Variants in ARID4A observed in about 807,000 individuals in gnomAD.
ARID4A encodes the protein AT-rich interaction domain 4A, also known as AT-rich interactive domain-containing protein 4A.
In ARID4A, 39 loss-of-function variants were observed where a neutral mutation model predicts 148.6. That is an observed-to-expected ratio of 0.26 (90% CI 0.20 to 0.34). The LOEUF (loss-of-function observed/expected upper bound fraction) is 0.34. Among genes scored for constraint, ARID4A ranks in the 10% least tolerant of loss-of-function variants. The pLI, the probability that ARID4A is intolerant of heterozygous loss-of-function variation, is 1.00. For synonymous variants in ARID4A, 475 were observed against 481.2 expected, an observed-to-expected ratio of 0.99 and a Z score of 0.17; for missense variants, 1,265 against 1,449.1, an observed-to-expected ratio of 0.87 and a Z score of 2.06.
chr14:58,369,001 C>A (rs534390944), intron 23 of ARID4A, among the ~76,000 whole-genome samples: 8 of 151,748 alleles, frequency 5.3e-5, no homozygotes, highest in African/African-American at 1.9e-4. Flanking sequence ...TTTAAAAATT[C>A]AGAGAACAAG....
chr14:58,322,176 G>A (rs1395041814), intron 7 of ARID4A, among the ~76,000 whole-genome samples: 2 of 151,810 alleles, frequency 1.3e-5, no homozygotes, highest in African/African-American at 4.8e-5. Flanking sequence ...TGTCATACTT[G>A]CCAGGCTGGT....
chr14:58,371,967 T>C lies in ARID4A; in HGVS notation c.3752T>C (p.Val1251Ala). 1.2e-6 allele frequency: 2 copies of C among 1,609,940 alleles called. No homozygotes were observed. Among genetic ancestry groups the C allele is most frequent in the Non-Finnish European group, 1.7e-6 (2 of 1,176,254 alleles). ...SPSSSSPPQN[V>A]LAVECR ...TCATCATCATCTCCCCCACAAAATG[T>C]ACTTGCTGTAGAATGCAGGTGATAA... Residue 1251 changes from valine (V) to alanine (A), a missense_variant, in exon 24 of 24, where the codon GTA (valine) becomes GCA (alanine). Val to Ala is a moderately conservative substitution (Grantham distance 64). Coordinates refer to ENST00000355431, the MANE Select transcript of ARID4A (RefSeq NM_002892.4).
At chr14:58,329,941 C>T in intron 10 of ARID4A, 62 bp from the exon 11 acceptor site, 1 of 1,531,696 alleles carries the variant, frequency 6.5e-7, no homozygotes, top group Admixed American at 2.4e-5. Flanking sequence ...AATGCCATGC[C>T]TTTTCTATTG....
intron 8 of ARID4A, among the ~76,000 whole-genome samples, chr14:58,326,020 T>A (rs1030845591): frequency 2.6e-5 from 4 of 152,178 alleles, no homozygotes; most frequent in African/African-American, 9.6e-5. Flanking sequence ...ATATGTTCAA[T>A]ATTAGGACTC....
rs1361156415 is a variant in ARID4A, at chr14:58,365,281, G to C, written c.3192G>C (p.Glu1064Asp). ...GTACCTGTAGTATAATTGTACAAGA[G>C]AGAGAGAGCAGAGAGAAGGGTAAGG... ...ASGTCSIIVQ[E>D]RESREKGQKR... The change falls in exon 20 of 24, where the codon GAG (glutamate) becomes GAC (aspartate). Residue 1064 changes from glutamate (E) to aspartate (D), a missense_variant. Transcript: ENST00000355431. 2 of 1,612,746 alleles carry C rather than the reference G, an allele frequency of 1.2e-6. No homozygotes were observed. The highest frequency in any genetic ancestry group is 2.2e-5 in the East Asian group (1 of 44,876).
At chr14:58,310,316 A>G (rs911916519) in intron 5 of ARID4A, among the ~76,000 whole-genome samples, 8 of 152,312 alleles carry the variant, frequency 5.3e-5, no homozygotes, top group Middle Eastern at 3.4e-3. Context: ...TTGAAGCTAA[A>G]GCAATCTTGA....
At chr14:58,352,803 A>T (rs973804966) in intron 16 of ARID4A, among the ~76,000 whole-genome samples, 1 of 152,174 alleles carries the variant, frequency 6.6e-6, no homozygotes, top group Non-Finnish European at 1.5e-5. Flanking sequence ...CAGTTCTCCT[A>T]TAAGTCTTTA....
At chr14:58,351,521 T>C in intron 16 of ARID4A, 198 bp downstream of exon 16, 1 of 624,986 alleles carries the variant, frequency 1.6e-6, no homozygotes. Context: ...CGCACCATTT[T>C]AATAGCACTT....
chr14:58,342,325 T>G (rs1307827888), intron 11 of ARID4A, among the ~76,000 whole-genome samples: 1 of 152,230 alleles, frequency 6.6e-6, no homozygotes, highest in Non-Finnish European at 1.5e-5. Flanking sequence ...CATTTATATC[T>G]TGTTTAACTG....
chr14:58,317,579 C>T (rs1436374498), intron 5 of ARID4A, among the ~76,000 whole-genome samples: 5 of 150,652 alleles, frequency 3.3e-5, no homozygotes, highest in South Asian at 2.1e-4. Context: ...CGTGAGCCAC[C>T]GCGCCTGGCC....
At chr14:58,322,042 C>T (rs1490561053) in intron 7 of ARID4A, among the ~76,000 whole-genome samples, 3 of 151,946 alleles carry the variant, frequency 2.0e-5, no homozygotes, top group African/African-American at 7.3e-5. Context: ...GCGATCTTGG[C>T]TCACTGCAAC....
In ARID4A at chr14:58,337,246, T is replaced by TATATATATATATATA. The variant is rs1555361738; in HGVS notation, c.906+7077_906+7078insATATATATATATATA. On this transcript the variant is annotated intron_variant, in intron 11 of 23. Transcript: ENST00000355431. The stretch of plus-strand genomic sequence containing the variant: ...AAATCTCCTAGAACCTTCTCTTTAT[T>TATATATATATATATA]TATATATATATATATATATATAATT... Among the ~76,000 whole-genome samples the TATATATATATATATA allele has an allele frequency of 5.3e-4, 44 of 83,808 alleles. 2 individuals are homozygous for TATATATATATATATA. The highest frequency in any genetic ancestry group is 1.0e-3 in the African/African-American group (24 of 24,112). The allele number at this position is 83,808 out of a possible 152,430, so 55.0% of individuals were successfully genotyped here. A position where few individuals can be genotyped will look rare whatever the true frequency, so the allele number is the denominator to read the frequency against.
intron 16 of ARID4A, 109 bp downstream of exon 16, chr14:58,351,432 C>T: frequency 7.2e-7 from 1 of 1,397,574 alleles, no homozygotes. Context: ...TTGGGACTTC[C>T]GTTCCTCTTG....
intron 7 of ARID4A, among the ~76,000 whole-genome samples, chr14:58,322,290 T>C (rs905320179): frequency 7.0e-4 from 107 of 152,208 alleles, no homozygotes; most frequent in African/African-American, 2.5e-3. Context: ...ATAAATTTAT[T>C]AGTGTGTAAT....
chr14:58,359,887 A>C (rs1188724595), intron 18 of ARID4A, among the ~76,000 whole-genome samples: 2 of 152,088 alleles, frequency 1.3e-5, no homozygotes, highest in Admixed American at 6.6e-5. Context: ...TAACACGGTG[A>C]AACCCCATCT....
At chr14:58,339,738 C>G (rs2034012796) in intron 11 of ARID4A, among the ~76,000 whole-genome samples, 1 of 152,048 alleles carries the variant, frequency 6.6e-6, no homozygotes, top group Non-Finnish European at 1.5e-5. Context: ...TTAATTGACT[C>G]ACAGTTCCAC....
chr14:58,299,736 C>G (rs919439409), intron 1 of ARID4A, 62 bp from the exon 2 acceptor site: 6 of 1,413,950 alleles, frequency 4.2e-6, no homozygotes, highest in Non-Finnish European at 2.0e-6. Context: ...TACTTTCTTT[C>G]CCTTGGTCGC....
rs780066336 is a variant in ARID4A, at chr14:58,304,986, G to C, written c.160G>C (p.Asp54His). 6.2e-7 allele frequency: 1 copy of C among 1,607,074 alleles called. No homozygotes were observed. Among genetic ancestry groups the C allele is most frequent in the Non-Finnish European group, 8.5e-7 (1 of 1,177,530 alleles). The change falls in exon 4 of 24, where the codon GAC (aspartate) becomes CAC (histidine). Residue 54 changes from aspartate to histidine, a missense_variant. Physicochemically the swap from Asp to His is moderately conservative, Grantham distance 81. This residue lies in a region of ARID4A where 59 missense variants were observed against 49.8 expected (regional missense o/e 1.18). Transcript: ENST00000355431. ...TAATACCACACAATTGGTACAAGAT[G>C]ACCAAGTAAAGGGTCCTTTAAGAGT... ...QDNTTQLVQD[D>H]QVKGPLRVGA...
At chr14:58,360,759 T>C (rs541494155) in intron 18 of ARID4A, 142 bp from the exon 19 acceptor site, 3 of 861,904 alleles carry the variant, frequency 3.5e-6, no homozygotes, top group South Asian at 1.9e-5. Context: ...AAAACTCTTC[T>C]TGATTCTTCT....
Sources: allele counts gnomAD v4.1 joint callset (sites outside exome capture counted in the v4.1 genomes callset), GRCh38; gene constraint gnomAD v4.1.1; regional missense constraint gnomAD v4.1.1; transcripts MANE v1.5; gene names NCBI Gene and HGNC (gene_info 2026-07-23, HGNC 2026-07-21).